Variants in WASF3 observed in about 807,000 individuals in gnomAD.
The protein encoded by WASF3 is WASP family member 3.
A neutral mutation model predicts 46.6 loss-of-function variants in WASF3; 11 were observed. The observed-to-expected ratio is 0.24, with a 90% CI of 0.15 to 0.39. The LOEUF is 0.39. WASF3 is among the 10% of genes least tolerant of loss of function. The pLI is 1.00. For synonymous variants in WASF3, 242 were observed against 259.7 expected, an observed-to-expected ratio of 0.93 and a Z score of 0.65; for missense variants, 576 against 669.8, an observed-to-expected ratio of 0.86 and a Z score of 1.55.
chr13:26,539,328 G>T, the WASF3 span, among the ~76,000 whole-genome samples: 1 of 152,172 alleles, frequency 6.6e-6, no homozygotes, highest in Admixed American at 6.5e-5. Context: ...GGACCCTCAT[G>T]CAGGATCCGG....
At chr13:26,661,127 G>A (rs1232037596) in intron 3 of WASF3, among the ~76,000 whole-genome samples, 1 of 152,226 alleles carries the variant, frequency 6.6e-6, no homozygotes, top group African/African-American at 2.4e-5. Context: ...CAACATTGGG[G>A]ATCACATTTC....
chr13:26,594,680 A>C (rs67189445), intron 1 of WASF3, among the ~76,000 whole-genome samples: 1 of 151,580 alleles, frequency 6.6e-6, no homozygotes, highest in South Asian at 2.1e-4. Flanking sequence ...GTTCCTTCCA[A>C]CTCTCCCGGT....
At chr13:26,568,144 T>C (rs901841909) in intron 1 of WASF3, among the ~76,000 whole-genome samples, 1 of 152,080 alleles carries the variant, frequency 6.6e-6, no homozygotes, top group African/African-American at 2.4e-5. Context: ...CTTTGGATTT[T>C]ATTCTGAGTG....
At chr13:26,541,690 C>T in the WASF3 span, among the ~76,000 whole-genome samples, 1 of 152,016 alleles carries the variant, frequency 6.6e-6, no homozygotes, top group Admixed American at 6.6e-5. Flanking sequence ...ACTATGTTGA[C>T]CAGGCTGGTA....
rs1049824651 is a variant in WASF3 at position 26,681,454 on chromosome 13, C to G, written c.983+134C>G. On this transcript the variant is annotated intron_variant, in intron 8 of 9. Coordinates refer to ENST00000335327, the MANE Select transcript of WASF3 (RefSeq NM_006646.6). ...AAGGATGACTGGATGTAGATACTAG[C>G]AACTCTAACATTCTGTGTGAAATAA... 3.7e-6 allele frequency: 4 copies of G among 1,071,512 alleles called. No homozygotes were observed. The South Asian group carries it at 5.2e-5, about 14-fold the overall frequency. 66.4% of individuals were successfully genotyped at this position (1,071,512 alleles called of 1,614,324 possible). A position where few individuals can be genotyped will look rare whatever the true frequency, so the allele number is the denominator to read the frequency against.
chr13:26,655,402 A>G (rs142627016), intron 3 of WASF3, among the ~76,000 whole-genome samples: 11 of 152,282 alleles, frequency 7.2e-5, no homozygotes, highest in Non-Finnish European at 1.0e-4. Flanking sequence ...TAGGAAGCTC[A>G]TGTGTCTGCT....
intron 3 of WASF3, among the ~76,000 whole-genome samples, chr13:26,661,941 C>G (rs1450222326): frequency 1.3e-5 from 2 of 152,122 alleles, no homozygotes; most frequent in East Asian, 3.9e-4. Flanking sequence ...CCTGTGAGTG[C>G]TCAGGAGTGT....
chr13:26,675,072 C>T (rs1342988134), intron 6 of WASF3, among the ~76,000 whole-genome samples: 2 of 152,174 alleles, frequency 1.3e-5, no homozygotes, highest in Non-Finnish European at 1.5e-5. Context: ...CCTTGGGCCA[C>T]CTGCTGTTCT....
intron 1 of WASF3, among the ~76,000 whole-genome samples, chr13:26,599,093 C>T (rs1880565424): frequency 6.6e-6 from 1 of 151,978 alleles, no homozygotes; most frequent in Non-Finnish European, 1.5e-5. Flanking sequence ...AACTCCTGAC[C>T]TCGGGTGATT....
chr13:26,623,639 G>A (rs558076465), intron 2 of WASF3, among the ~76,000 whole-genome samples: 15 of 152,304 alleles, frequency 9.8e-5, no homozygotes, highest in South Asian at 4.2e-4. Flanking sequence ...GTTTAGTTGT[G>A]TTGGAGAAGA....
At chr13:26,669,766 G>C (rs1179704427) in intron 5 of WASF3, among the ~76,000 whole-genome samples, 3 of 152,156 alleles carry the variant, frequency 2.0e-5, no homozygotes, top group Non-Finnish European at 2.9e-5. Flanking sequence ...CACCTGCCTC[G>C]GCCTCCCAAA....
chr13:26,668,630 T>G (rs547710253), intron 5 of WASF3, among the ~76,000 whole-genome samples: 1 of 152,360 alleles, frequency 6.6e-6, no homozygotes, highest in African/African-American at 2.4e-5. Flanking sequence ...CTGTCCTTTC[T>G]CAGGGTCCAC....
intron 1 of WASF3, among the ~76,000 whole-genome samples, chr13:26,580,188 C>T (rs543315456): frequency 6.6e-6 from 1 of 152,068 alleles, no homozygotes; most frequent in Non-Finnish European, 1.5e-5. Flanking sequence ...TAAGACAATT[C>T]TTACTGTGCA....
intron 1 of WASF3, among the ~76,000 whole-genome samples, 158 bp downstream of exon 1, chr13:26,557,977 C>T (rs1879151710): frequency 6.6e-6 from 1 of 150,474 alleles, no homozygotes; most frequent in East Asian, 1.9e-4. Context: ...CCACTGCGGG[C>T]TGCGGCGCCG....
chr13:26,546,963 A>G, the WASF3 span, among the ~76,000 whole-genome samples: 1 of 152,126 alleles, frequency 6.6e-6, no homozygotes. Context: ...CCAGATCTCT[A>G]CTTACCATGT....
chr13:26,608,644 G>A (rs1446863065), intron 1 of WASF3, among the ~76,000 whole-genome samples: 1 of 152,158 alleles, frequency 6.6e-6, no homozygotes, highest in Non-Finnish European at 1.5e-5. Flanking sequence ...CAGCTAAAAT[G>A]TGTTCATACT....
At chr13:26,551,935 G>C in the WASF3 span, among the ~76,000 whole-genome samples, 1 of 152,202 alleles carries the variant, frequency 6.6e-6, no homozygotes, top group African/African-American at 2.4e-5. Flanking sequence ...GAAAAACCAA[G>C]GGAAATGTGT....
chr13:26,607,534 A>T (rs1291446190), intron 1 of WASF3, among the ~76,000 whole-genome samples: 1 of 152,200 alleles, frequency 6.6e-6, no homozygotes, highest in Non-Finnish European at 1.5e-5. Context: ...TTATTATCCC[A>T]GCTCAGGTAA....
intron 3 of WASF3, 110 bp downstream of exon 3, chr13:26,642,513 C>T: frequency 7.7e-7 from 1 of 1,297,310 alleles, no homozygotes; most frequent in Non-Finnish European, 1.0e-6. Flanking sequence ...AGGAAAAGAT[C>T]CTTTCTCCTT....
Sources: gnomAD v4.1 joint callset for allele counts (sites outside exome capture counted in the v4.1 genomes callset) on GRCh38, gnomAD v4.1.1 for gene constraint, MANE v1.5 for transcripts, NCBI Gene and HGNC (gene_info 2026-07-23, HGNC 2026-07-21) for gene names.